THSD7B: variants seen among roughly 807,000 people sequenced by gnomAD.
THSD7B encodes the protein thrombospondin type-1 domain-containing protein 7B.
THSD7B carries 138 observed loss-of-function variants against 213.6 expected under a neutral mutation model. The ratio of observed to expected loss-of-function variants is 0.65; its 90% CI spans 0.56 to 0.74. THSD7B has a LOEUF of 0.74. Among genes scored for constraint, THSD7B ranks in the 30% least tolerant of loss-of-function variants. The pLI, the probability that THSD7B is intolerant of heterozygous loss-of-function variation, is 0.00. For synonymous variants in THSD7B, 742 were observed against 687.0 expected, an observed-to-expected ratio of 1.08 and a Z score of -1.25; for missense variants, 1,931 against 1,991.5, an observed-to-expected ratio of 0.97 and a Z score of 0.58.
intron 5 of THSD7B, among the ~76,000 whole-genome samples, chr2:137,120,687 C>G (rs2104943598): frequency 6.6e-6 from 1 of 152,276 alleles, no homozygotes; most frequent in African/African-American, 2.4e-5. Context: ...GTTATTGATG[C>G]AGGATCCTAG....
intron 2 of THSD7B, among the ~76,000 whole-genome samples, chr2:137,032,423 T>G (rs1220393765): frequency 6.6e-6 from 1 of 152,186 alleles, no homozygotes; most frequent in Non-Finnish European, 1.5e-5. Flanking sequence ...CTGGTTCACA[T>G]CTGGTGACTT....
intron 17 of THSD7B, among the ~76,000 whole-genome samples, chr2:137,605,953 C>A (rs1371321091): frequency 6.6e-6 from 1 of 151,974 alleles, no homozygotes; most frequent in Non-Finnish European, 1.5e-5. Flanking sequence ...CAGGCACGTG[C>A]CACCATGCCC....
At chr2:136,814,054 C>T (rs1211537747) in intron 1 of THSD7B, among the ~76,000 whole-genome samples, 1 of 152,140 alleles carries the variant, frequency 6.6e-6, no homozygotes, top group Non-Finnish European at 1.5e-5. Context: ...CTGTTGCATG[C>T]ACTCTCCAGA....
chr2:136,831,531 T>G (rs756356742), intron 1 of THSD7B, among the ~76,000 whole-genome samples: 15 of 152,228 alleles, frequency 9.9e-5, no homozygotes, highest in Non-Finnish European at 2.1e-4. Context: ...CTATTGTGTT[T>G]GATGCACTGT....
intron 17 of THSD7B, among the ~76,000 whole-genome samples, chr2:137,606,546 A>G (rs1682181129): frequency 6.6e-6 from 1 of 152,136 alleles, no homozygotes; most frequent in South Asian, 2.1e-4. Flanking sequence ...ATATTAAAAC[A>G]GAAATGTCAT....
intron 2 of THSD7B, among the ~76,000 whole-genome samples, chr2:136,984,277 T>C (rs1017643708): frequency 6.6e-6 from 1 of 152,234 alleles, no homozygotes; most frequent in Non-Finnish European, 1.5e-5. Context: ...AAATCTCATG[T>C]TGAAATGTGA....
chr2:137,633,493 C>A (rs1281443954), intron 20 of THSD7B, among the ~76,000 whole-genome samples: 1 of 152,072 alleles, frequency 6.6e-6, no homozygotes, highest in African/African-American at 2.4e-5. Context: ...ATAACTAGAG[C>A]GTAGTATCTG....
chr2:137,669,414 G>A (rs1043514139), intron 27 of THSD7B, among the ~76,000 whole-genome samples: 1 of 151,854 alleles, frequency 6.6e-6, no homozygotes, highest in Non-Finnish European at 1.5e-5. Flanking sequence ...TTCATCTTCA[G>A]TTGGTCATTC....
In THSD7B at chr2:137,411,733, A is replaced by G. The variant is rs758284669; in HGVS notation, c.2820A>G (p.Pro940=). ...PYGNWSDCIL[P]EGRREPHRGL... ...GAAACTGGTCAGATTGCATTCTTCC[A>G]GAAGGCAGAAGGGAGCCTCACCGAG... The change falls in exon 14 of 28, where the codon CCA becomes CCG. Residue 940 remains proline (P), a synonymous_variant. Transcript: ENST00000409968. The G allele has an allele frequency of 6.8e-6, 11 of 1,613,994 alleles. No homozygotes were observed. The African/African-American group carries it at 9.3e-5, about 14-fold the overall frequency.
intron 12 of THSD7B, among the ~76,000 whole-genome samples, chr2:137,395,455 T>A (rs1385081263): frequency 6.6e-6 from 1 of 150,440 alleles, no homozygotes; most frequent in East Asian, 2.0e-4. Context: ...GTTTATATGC[T>A]GGATTACATT....
chr2:137,614,795 T>C (rs539465144), intron 17 of THSD7B, among the ~76,000 whole-genome samples: 5 of 152,294 alleles, frequency 3.3e-5, no homozygotes, highest in Non-Finnish European at 5.9e-5. Flanking sequence ...TCCAAACTTT[T>C]ACAATTAGAA....
intron 12 of THSD7B, among the ~76,000 whole-genome samples, chr2:137,278,634 T>G (rs1682927686): frequency 6.6e-6 from 1 of 151,906 alleles, no homozygotes; most frequent in African/African-American, 2.4e-5. Flanking sequence ...GGAGGGGAAA[T>G]TCATGGACCA....
intron 17 of THSD7B, among the ~76,000 whole-genome samples, chr2:137,606,602 T>TA (rs1308399051): frequency 6.6e-6 from 1 of 152,142 alleles, no homozygotes; most frequent in Admixed American, 6.5e-5. Context: ...AAAGACCCAG[T>TA]ACCCCTACTC....
intron 10 of THSD7B, among the ~76,000 whole-genome samples, chr2:137,257,631 C>T (rs576637572): frequency 1.4e-4 from 21 of 152,182 alleles, no homozygotes; most frequent in Non-Finnish European, 2.6e-4. Flanking sequence ...CCTGAGACTG[C>T]ACAGATCACC....
At chr2:136,993,933 GTATA>G (rs994657483) in intron 2 of THSD7B, among the ~76,000 whole-genome samples, 2 of 152,162 alleles carry the variant, frequency 1.3e-5, no homozygotes, top group Non-Finnish European at 2.9e-5. Context: ...TTATATTTGT[GTATA>G]TATGTTTATA....
intron 2 of THSD7B, among the ~76,000 whole-genome samples, chr2:137,019,242 T>A (rs2104841755): frequency 6.6e-6 from 1 of 152,290 alleles, no homozygotes; most frequent in South Asian, 2.1e-4. Context: ...GTTACTGTAT[T>A]TTTCTGTAAT....
chr2:137,082,283 C>A (rs1249465710), intron 3 of THSD7B, among the ~76,000 whole-genome samples: 4 of 151,970 alleles, frequency 2.6e-5, no homozygotes, highest in Non-Finnish European at 4.4e-5. Flanking sequence ...TTTCTACTTA[C>A]ATCTAATTTG....
intron 2 of THSD7B, among the ~76,000 whole-genome samples, chr2:136,900,657 T>C (rs1684048521): frequency 6.6e-6 from 1 of 152,226 alleles, no homozygotes. Context: ...GAGCACTATT[T>C]TGCACAAATG....
chr2:137,236,413 A>G (rs1429816891), intron 9 of THSD7B, among the ~76,000 whole-genome samples: 2 of 152,232 alleles, frequency 1.3e-5, no homozygotes, highest in African/African-American at 4.8e-5. Flanking sequence ...ATCATATCAG[A>G]AAATGAGAGC....
Sources: allele counts gnomAD v4.1 joint callset (sites outside exome capture counted in the v4.1 genomes callset), GRCh38; gene constraint gnomAD v4.1.1; transcripts MANE v1.5; gene names NCBI Gene and HGNC (gene_info 2026-07-23, HGNC 2026-07-21).